The following GALNTL6 variants were observed in gnomAD, a reference collection of about 807,000 sequenced individuals.
GALNTL6 encodes the protein polypeptide N-acetylgalactosaminyltransferase like 6.
GALNTL6 carries 46 observed loss-of-function variants against 73.7 expected under a neutral mutation model. That is an observed-to-expected ratio of 0.62 (90% CI 0.49 to 0.80). GALNTL6 has a LOEUF of 0.80. Ranked by LOEUF, GALNTL6 falls within the 30% of genes least tolerant of loss-of-function variation. The probability of loss-of-function intolerance (pLI) is 0.00; values close to 1 mark genes in which losing one functional copy is unlikely to be tolerated. For synonymous variants in GALNTL6, 259 were observed against 263.7 expected (o/e 0.98, Z 0.17); for missense variants, 604 against 755.0 (o/e 0.80, Z 2.34).
intron 5 of GALNTL6, among the ~76,000 whole-genome samples, chr4:172,781,021 A>C (rs1277168409): frequency 6.6e-6 from 1 of 152,198 alleles, no homozygotes; most frequent in Non-Finnish European, 1.5e-5. Flanking sequence ...GTAAGAGGAG[A>C]CTTGGGAACA....
At chr4:172,597,599 A>G (rs547224155) in intron 5 of GALNTL6, among the ~76,000 whole-genome samples, 48 of 152,298 alleles carry the variant, frequency 3.2e-4, no homozygotes, top group African/African-American at 1.1e-3. Flanking sequence ...GTGAAATTCT[A>G]GTCAGGTAGG....
intron 5 of GALNTL6, among the ~76,000 whole-genome samples, chr4:172,524,933 C>G (rs917695091): frequency 1.3e-5 from 2 of 152,036 alleles, no homozygotes; most frequent in African/African-American, 4.8e-5. Context: ...ATATTTATAT[C>G]CACTATCTAG....
At chr4:172,355,631 G>A (rs184341408) in intron 5 of GALNTL6, among the ~76,000 whole-genome samples, 37 of 152,136 alleles carry the variant, frequency 2.4e-4, no homozygotes, top group Non-Finnish European at 4.7e-4. Context: ...ACTATTACTC[G>A]ATTGTCTTTA....
chr4:172,543,428 G>A (rs1035141764), intron 5 of GALNTL6, among the ~76,000 whole-genome samples: 12 of 152,120 alleles, frequency 7.9e-5, no homozygotes, highest in African/African-American at 2.9e-4. Flanking sequence ...GCTCCTGTGC[G>A]CCCATGCAAA....
At chr4:172,558,528 G>A (rs1186178612) in intron 5 of GALNTL6, among the ~76,000 whole-genome samples, 2 of 152,166 alleles carry the variant, frequency 1.3e-5, no homozygotes, top group South Asian at 2.1e-4. Flanking sequence ...GATACAGAGA[G>A]AAGGTGGCCA....
chr4:172,282,693 G>T (rs566339195), intron 3 of GALNTL6, among the ~76,000 whole-genome samples: 2 of 148,602 alleles, frequency 1.3e-5, no homozygotes, highest in African/African-American at 5.0e-5. Context: ...AAAATGACTA[G>T]TTAGTAGGAT....
At chr4:172,794,358 A>C (rs1230806585) in intron 5 of GALNTL6, among the ~76,000 whole-genome samples, 4 of 152,342 alleles carry the variant, frequency 2.6e-5, no homozygotes, top group East Asian at 3.9e-4. Context: ...GATTAAGTTG[A>C]AATGAAGTGC....
intron 2 of GALNTL6, among the ~76,000 whole-genome samples, chr4:172,016,550 C>G (rs999569747): frequency 6.6e-6 from 1 of 151,958 alleles, no homozygotes; most frequent in African/African-American, 2.4e-5. Context: ...AATCAATAAC[C>G]TTCTGAATTA....
chr4:172,137,888 G>T (rs527876931), intron 2 of GALNTL6, among the ~76,000 whole-genome samples: 1 of 152,266 alleles, frequency 6.6e-6, no homozygotes, highest in South Asian at 2.1e-4. Context: ...ACAAAGGCTT[G>T]AATTGTCTTT....
chr4:171,847,842 C>G lies in GALNTL6; in HGVS notation c.138+33124C>G, dbSNP rs184158016. Among the ~76,000 whole-genome samples, 620 of 152,284 alleles carry G rather than the reference C, an allele frequency of 4.1e-3. 3 individuals are homozygous for G. The highest frequency in any genetic ancestry group is 0.014 in the African/African-American group (590 of 41,556). ...ATGACAAATGTAGTCACCTCCTCCCCTGAAGTCTTGAACTCCTCAAAGTCA... is the reference window on the plus strand; with the variant it reads ...ATGACAAATGTAGTCACCTCCTCCCGTGAAGTCTTGAACTCCTCAAAGTCA... On this transcript the variant is annotated intron_variant, in intron 2 of 12. Transcript: ENST00000506823.
At chr4:171,973,150 G>T (rs565164257) in intron 2 of GALNTL6, among the ~76,000 whole-genome samples, 76 of 152,258 alleles carry the variant, frequency 5.0e-4, no homozygotes, top group African/African-American at 1.7e-3. Flanking sequence ...GAAGTTGTAT[G>T]TGGGAGAAGT....
intron 2 of GALNTL6, among the ~76,000 whole-genome samples, chr4:171,830,209 C>T (rs1427496054): frequency 6.6e-6 from 1 of 152,104 alleles, no homozygotes; most frequent in African/African-American, 2.4e-5. Context: ...TCTAATAGAA[C>T]TTCCAGAGGT....
chr4:172,973,942 T>C (rs1192679586), intron 10 of GALNTL6, among the ~76,000 whole-genome samples: 1 of 152,174 alleles, frequency 6.6e-6, no homozygotes, highest in Non-Finnish European at 1.5e-5. Context: ...AAAATAATGA[T>C]GGTGTTCAAA....
At chr4:172,952,678 G>A (rs1219080194) in intron 10 of GALNTL6, among the ~76,000 whole-genome samples, 1 of 152,074 alleles carries the variant, frequency 6.6e-6, no homozygotes, top group Non-Finnish European at 1.5e-5. Context: ...ACGACACTCA[G>A]CTAATTTTTG....
At chr4:172,041,783 C>T (rs1456431856) in intron 2 of GALNTL6, among the ~76,000 whole-genome samples, 1 of 151,992 alleles carries the variant, frequency 6.6e-6, no homozygotes, top group Non-Finnish European at 1.5e-5. Context: ...GCCGCAAATA[C>T]ATTAGCACTC....
intron 5 of GALNTL6, among the ~76,000 whole-genome samples, chr4:172,600,261 A>C (rs1430539503): frequency 6.6e-6 from 1 of 152,118 alleles, no homozygotes; most frequent in Admixed American, 6.6e-5. Flanking sequence ...AAACTTAAAA[A>C]AAAATCTTTA....
intron 5 of GALNTL6, among the ~76,000 whole-genome samples, chr4:172,634,868 A>G (rs1739590757): frequency 6.6e-6 from 1 of 152,196 alleles, no homozygotes; most frequent in Non-Finnish European, 1.5e-5. Context: ...ATACAATGCA[A>G]TAACAGAGAT....
At chr4:172,264,615 A>T (rs1461354063) in intron 3 of GALNTL6, among the ~76,000 whole-genome samples, 1 of 56,878 alleles carries the variant, frequency 1.8e-5, no homozygotes, top group South Asian at 4.0e-4. Flanking sequence ...ATACACATAT[A>T]ATATATTTGG....
chr4:172,670,110 C>A (rs922606687), intron 5 of GALNTL6, among the ~76,000 whole-genome samples: 9 of 152,114 alleles, frequency 5.9e-5, no homozygotes, highest in Non-Finnish European at 1.2e-4. Context: ...TTCTACTGTG[C>A]ATAGTGCTGA....
Sources: gnomAD v4.1 joint callset for allele counts (sites outside exome capture counted in the v4.1 genomes callset) on GRCh38, gnomAD v4.1.1 for gene constraint, MANE v1.5 for transcripts, NCBI Gene and HGNC (gene_info 2026-07-23, HGNC 2026-07-21) for gene names.